CALN1: variants seen among roughly 807,000 people sequenced by gnomAD.
The protein encoded by CALN1 is calneuron 1, also known as calcium-binding protein 8.
CALN1 carries 17 observed loss-of-function variants against 30.6 expected under a neutral mutation model. The ratio of observed to expected loss-of-function variants is 0.56; its 90% CI spans 0.38 to 0.83. The LOEUF is 0.83. CALN1 is among the 40% of genes least tolerant of loss of function. CALN1 has a pLI of 0.00. For synonymous variants in CALN1, 156 were observed against 131.4 expected, an observed-to-expected ratio of 1.19 and a Z score of -1.28; for missense variants, 291 against 354.9, an observed-to-expected ratio of 0.82 and a Z score of 1.45.
At chr7:71,841,509 T>C (rs751496383) in intron 5 of CALN1, among the ~76,000 whole-genome samples, 7 of 152,214 alleles carry the variant, frequency 4.6e-5, no homozygotes, top group Non-Finnish European at 1.0e-4. Flanking sequence ...ACTGGATATC[T>C]ACACAAAGGA....
intron 3 of CALN1, among the ~76,000 whole-genome samples, chr7:72,258,473 C>A (rs1796065858): frequency 6.6e-6 from 1 of 152,176 alleles, no homozygotes; most frequent in African/African-American, 2.4e-5. Context: ...CAATCAATAA[C>A]CCAAGGGCAC....
intron 3 of CALN1, among the ~76,000 whole-genome samples, chr7:72,239,795 T>A (rs1218502841): frequency 1.3e-5 from 2 of 152,176 alleles, no homozygotes; most frequent in Non-Finnish European, 1.5e-5. Flanking sequence ...AGAGAGAATG[T>A]GCACCACTTA....
intron 5 of CALN1, among the ~76,000 whole-genome samples, chr7:71,983,155 G>A (rs111959104): frequency 3.5e-4 from 54 of 152,274 alleles, no homozygotes; most frequent in African/African-American, 1.2e-3. Flanking sequence ...GTCCCACTCA[G>A]GCACCCTTCT....
intron 6 of CALN1, among the ~76,000 whole-genome samples, chr7:71,789,772 G>C (rs1793209151): frequency 6.6e-6 from 1 of 152,102 alleles, no homozygotes; most frequent in Non-Finnish European, 1.5e-5. Context: ...CAAAAGGCAT[G>C]AATTAGCGGA....
At chr7:72,387,598 C>T (rs1043614281) in intron 2 of CALN1, among the ~76,000 whole-genome samples, 1 of 152,062 alleles carries the variant, frequency 6.6e-6, no homozygotes, top group South Asian at 2.1e-4. Flanking sequence ...ATCTTCCTCC[C>T]CTACACCCAT....
At chr7:72,222,241 AAAAG>A (rs1027304815) in intron 3 of CALN1, among the ~76,000 whole-genome samples, 2 of 152,000 alleles carry the variant, frequency 1.3e-5, no homozygotes, top group African/African-American at 4.8e-5. Flanking sequence ...AAGAAAAAAA[AAAAG>A]AAAGAAAGAA....
chr7:71,875,836 G>A (rs374167143), intron 5 of CALN1, among the ~76,000 whole-genome samples: 2 of 152,192 alleles, frequency 1.3e-5, no homozygotes, highest in East Asian at 3.9e-4. Context: ...AACTTTAAAA[G>A]TGGTCTGTTG....
chr7:72,351,516 A>G (rs561026713), intron 2 of CALN1, among the ~76,000 whole-genome samples: 3 of 152,254 alleles, frequency 2.0e-5, no homozygotes, highest in Non-Finnish European at 4.4e-5. Context: ...TATGGGATTT[A>G]TAAGACATGT....
At chr7:72,241,788 C>A (rs1321682682) in intron 3 of CALN1, among the ~76,000 whole-genome samples, 20 of 152,140 alleles carry the variant, frequency 1.3e-4, no homozygotes, top group Admixed American at 9.2e-4. Context: ...TCAGCCATGC[C>A]TCTTTAGTTT....
At chr7:71,867,430 C>T (rs1009875484) in intron 5 of CALN1, among the ~76,000 whole-genome samples, 5 of 150,706 alleles carry the variant, frequency 3.3e-5, no homozygotes, top group Non-Finnish European at 7.4e-5. Flanking sequence ...TGCCTTTTTA[C>T]TTATTTATTT....
At chr7:72,041,866 C>A (rs145300498) in intron 4 of CALN1, among the ~76,000 whole-genome samples, 9 of 152,318 alleles carry the variant, frequency 5.9e-5, no homozygotes, top group African/African-American at 2.2e-4. Flanking sequence ...TCCTTCTTTG[C>A]CTGCCACCAT....
At chr7:72,244,369 A>G (rs979171168) in intron 3 of CALN1, among the ~76,000 whole-genome samples, 3 of 152,208 alleles carry the variant, frequency 2.0e-5, no homozygotes, top group Admixed American at 6.5e-5. Flanking sequence ...AGAAGTCCAC[A>G]AATACCATAT....
chr7:72,403,292 TC>T lies in CALN1; in HGVS notation c.77del (p.Gly26GlufsTer23). Reference sequence around the variant, plus strand: ...GGGCCTGGCTCCTCGGCGGCTCCTCTCCCCCTCCGAGGGCTCCTCCGTCCCC... The same window carrying T: ...GGGCCTGGCTCCTCGGCGGCTCCTCTCCCCTCCGAGGGCTCCTCCGTCCCC... ...KKGDGGALGGGEEPPRSQAPD... is the reference protein window; with the variant it reads ...KKGDGGALGGXEEPPRSQAPD... On this transcript the variant is annotated frameshift_variant, in exon 2 of 7. Transcript: ENST00000395275. LOFTEE classifies it high-confidence loss of function. 6.5e-7 allele frequency: 1 copy of T among 1,550,094 alleles called. No individual in the cohort carries two copies. The highest frequency in any genetic ancestry group is 8.7e-7 in the Non-Finnish European group (1 of 1,146,846).
At chr7:72,130,138 C>T (rs1459314545) in intron 3 of CALN1, among the ~76,000 whole-genome samples, 2 of 152,204 alleles carry the variant, frequency 1.3e-5, no homozygotes, top group Non-Finnish European at 2.9e-5. Flanking sequence ...GCTTCTTGCC[C>T]TGATTTGACA....
intron 1 of CALN1, among the ~76,000 whole-genome samples, chr7:72,440,117 C>T (rs1224654772): frequency 6.6e-6 from 1 of 152,130 alleles, no homozygotes; most frequent in Non-Finnish European, 1.5e-5. Flanking sequence ...AAAGCAATTC[C>T]CAAAATAGTT....
chr7:71,965,636 A>G (rs1210053254), intron 5 of CALN1, among the ~76,000 whole-genome samples: 1 of 152,232 alleles, frequency 6.6e-6, no homozygotes, highest in Non-Finnish European at 1.5e-5. Flanking sequence ...ATTCCTACAT[A>G]GGGACTTACC....
chr7:72,178,276 T>C (rs1244640796), intron 3 of CALN1, among the ~76,000 whole-genome samples: 1 of 152,116 alleles, frequency 6.6e-6, no homozygotes, highest in African/African-American at 2.4e-5. Context: ...CAGCTTGACA[T>C]TAAAGGGAAA....
chr7:71,804,112 T>C (rs1348961895), intron 6 of CALN1, among the ~76,000 whole-genome samples: 2 of 152,170 alleles, frequency 1.3e-5, no homozygotes, highest in African/African-American at 4.8e-5. Flanking sequence ...CTTCCATTCA[T>C]GTAGAAGGAA....
At chr7:72,044,488 T>C (rs1287670663) in intron 4 of CALN1, among the ~76,000 whole-genome samples, 1 of 151,960 alleles carries the variant, frequency 6.6e-6, no homozygotes, top group African/African-American at 2.4e-5. Context: ...GAAGAGAAAT[T>C]ATCCAGGCAA....
Sources: gnomAD v4.1 joint callset for allele counts (sites outside exome capture counted in the v4.1 genomes callset) on GRCh38, gnomAD v4.1.1 for gene constraint, MANE v1.5 for transcripts, NCBI Gene and HGNC (gene_info 2026-07-23, HGNC 2026-07-21) for gene names.